Variants in WDR72 observed in about 807,000 individuals in gnomAD.
WDR72 encodes WD repeat domain 72.
WDR72 carries 120 observed loss-of-function variants against 124.2 expected under a neutral mutation model. The ratio of observed to expected loss-of-function variants is 0.97; its 90% CI spans 0.83 to 1.12. The LOEUF is 1.12. WDR72 is among the 50% of genes most tolerant of loss of function. The pLI, the probability that WDR72 is intolerant of heterozygous loss-of-function variation, is 0.00. For synonymous variants in WDR72, 452 were observed against 441.7 expected, an observed-to-expected ratio of 1.02 and a Z score of -0.29; for missense variants, 1,387 against 1,278.8, an observed-to-expected ratio of 1.08 and a Z score of -1.29.
intron 18 of WDR72, among the ~76,000 whole-genome samples, chr15:53,572,593 T>C (rs1251340333): frequency 2.6e-5 from 4 of 152,180 alleles, no homozygotes; most frequent in African/African-American, 9.7e-5. Flanking sequence ...TTGGACTTCA[T>C]TCAAATGAAA....
intron 14 of WDR72, among the ~76,000 whole-genome samples, chr15:53,646,546 A>G (rs2015049024): frequency 1.3e-5 from 2 of 152,140 alleles, no homozygotes; most frequent in East Asian, 3.9e-4. Context: ...AGGCCAGTAG[A>G]CTGTTTCAGG....
At chr15:53,566,935 C>T (rs1894320514) in intron 18 of WDR72, among the ~76,000 whole-genome samples, 1 of 151,912 alleles carries the variant, frequency 6.6e-6, no homozygotes, top group Admixed American at 6.6e-5. Context: ...ATAGCTTTCT[C>T]TAGCCTGGCT....
intron 14 of WDR72, among the ~76,000 whole-genome samples, chr15:53,634,975 A>G (rs1391170999): frequency 6.6e-6 from 1 of 152,210 alleles, no homozygotes; most frequent in Non-Finnish European, 1.5e-5. Context: ...CACAGCAGCA[A>G]TGAGCCAGAG....
At chr15:53,642,946 A>G (rs1044758781) in intron 14 of WDR72, among the ~76,000 whole-genome samples, 2 of 152,134 alleles carry the variant, frequency 1.3e-5, no homozygotes, top group East Asian at 1.9e-4. Context: ...CTTAAAATAC[A>G]TATTTCCATT....
intron 18 of WDR72, among the ~76,000 whole-genome samples, chr15:53,557,744 A>G (rs1893983173): frequency 6.6e-6 from 1 of 152,074 alleles, no homozygotes; most frequent in Non-Finnish European, 1.5e-5. Context: ...GGCTCTCATT[A>G]GCCTTAGAAT....
intron 18 of WDR72, among the ~76,000 whole-genome samples, chr15:53,539,530 G>A (rs1892957220): frequency 6.6e-6 from 1 of 151,908 alleles, no homozygotes; most frequent in Non-Finnish European, 1.5e-5. Context: ...GATGCTGGAA[G>A]AGAGAAAGTA....
chr15:53,612,607 G>C (rs1186097678), intron 16 of WDR72, among the ~76,000 whole-genome samples: 1 of 152,048 alleles, frequency 6.6e-6, no homozygotes, highest in Non-Finnish European at 1.5e-5. Context: ...TAAGCAGGGG[G>C]TGAGCACTAA....
intron 14 of WDR72, among the ~76,000 whole-genome samples, chr15:53,657,786 T>G (rs1351787682): frequency 6.6e-6 from 1 of 152,168 alleles, no homozygotes; most frequent in Non-Finnish European, 1.5e-5. Context: ...AGAACCAACC[T>G]TTTCTCTGGT....
At chr15:53,564,095 G>A (rs961039791) in intron 18 of WDR72, among the ~76,000 whole-genome samples, 6 of 151,684 alleles carry the variant, frequency 4.0e-5, no homozygotes, top group African/African-American at 1.5e-4. Flanking sequence ...AATATGTCAA[G>A]GTGTTTTTCT....
chr15:53,655,230 C>CAAAAAAAAA (rs531072099), intron 14 of WDR72, among the ~76,000 whole-genome samples: 3 of 54,616 alleles, frequency 5.5e-5, no homozygotes, highest in African/African-American at 1.3e-4. Context: ...GATGCCATCT[C>CAAAAAAAAA]AAAAAAAAAA....
At chr15:53,699,639 A>C (rs1001978094) in intron 13 of WDR72, 111 bp downstream of exon 13, 1 of 1,166,768 alleles carries the variant, frequency 8.6e-7, no homozygotes, top group Non-Finnish European at 1.2e-6. Context: ...GCCCAAACAA[A>C]GGTTAAAGCA....
intron 18 of WDR72, among the ~76,000 whole-genome samples, chr15:53,532,634 AGAAG>A (rs1339752981): frequency 6.6e-6 from 1 of 152,082 alleles, no homozygotes; most frequent in East Asian, 1.9e-4. Context: ...GGTAACTAAA[AGAAG>A]GTTAGTGGGA....
intron 13 of WDR72, among the ~76,000 whole-genome samples, chr15:53,673,396 T>C (rs936539580): frequency 1.3e-5 from 2 of 152,146 alleles, no homozygotes; most frequent in African/African-American, 2.4e-5. Flanking sequence ...CTAAACAACA[T>C]CACCCAGATG....
chr15:53,615,400 A>G (rs2013714119), intron 15 of WDR72, 26 bp downstream of exon 15: 3 of 1,527,854 alleles, frequency 2.0e-6, no homozygotes, highest in Non-Finnish European at 2.7e-6. Context: ...AATCTAGTAT[A>G]GTCAAAATCT....
rs1352530104 is a variant in WDR72 at position 53,545,751 on chromosome 15, C to T, written c.3149-22429G>A. Reference sequence around the variant, plus strand: ...AACCTACAAAATGGGAGAAAATTTTCGCAACCTACTCATCTGACAAAGGGC... The same window carrying T: ...AACCTACAAAATGGGAGAAAATTTTTGCAACCTACTCATCTGACAAAGGGC... On this transcript the variant is annotated intron_variant, in intron 18 of 19. Transcript: ENST00000360509. 6.6e-4 allele frequency among the ~76,000 whole-genome samples: 86 copies of T among 129,878 alleles called. 2 individuals are homozygous for T. The highest frequency in any genetic ancestry group is 8.1e-4 in the Non-Finnish European group (49 of 60,474). The allele number at this position is 129,878 out of a possible 152,430, so 85.2% of individuals were successfully genotyped here.
chr15:53,549,131 GA>G (rs1295485363), intron 18 of WDR72, among the ~76,000 whole-genome samples: 9 of 152,140 alleles, frequency 5.9e-5, no homozygotes, highest in Non-Finnish European at 8.8e-5. Flanking sequence ...ATATTTGGGG[GA>G]CCCAGTACGT....
chr15:53,628,739 T>C (rs535451934), intron 14 of WDR72, among the ~76,000 whole-genome samples: 11 of 152,270 alleles, frequency 7.2e-5, no homozygotes, highest in Admixed American at 1.3e-4. Context: ...ACTAGTTGAT[T>C]TCTAGTCAAG....
intron 18 of WDR72, among the ~76,000 whole-genome samples, chr15:53,549,207 A>C (rs565283370): frequency 4.5e-4 from 68 of 152,316 alleles, no homozygotes; most frequent in African/African-American, 1.5e-3. Flanking sequence ...TTTGTGCCCT[A>C]ACAGATCTTA....
chr15:53,690,960 A>G (rs973312547), intron 13 of WDR72, among the ~76,000 whole-genome samples: 1 of 151,924 alleles, frequency 6.6e-6, no homozygotes, highest in Non-Finnish European at 1.5e-5. Flanking sequence ...TTTTGCTAAT[A>G]CTCTTTGTTT....
Sources: allele counts gnomAD v4.1 joint callset (sites outside exome capture counted in the v4.1 genomes callset), GRCh38; gene constraint gnomAD v4.1.1; transcripts MANE v1.5; gene names NCBI Gene and HGNC (gene_info 2026-07-23, HGNC 2026-07-21).